The following TLN2 variants were observed in gnomAD, a reference collection of about 807,000 sequenced individuals.
TLN2 encodes talin-2.
In TLN2, 118 loss-of-function variants were observed where a neutral mutation model predicts 294.7. That is an observed-to-expected ratio of 0.40 (90% CI 0.34 to 0.47). TLN2 has a LOEUF of 0.47. Ranked by LOEUF, TLN2 falls within the 20% of genes least tolerant of loss-of-function variation. TLN2 has a pLI of 0.84. For missense variants in TLN2, 3,083 were observed against 3,282.2 expected, an observed-to-expected ratio of 0.94 and a Z score of 1.48; for synonymous variants, 1,431 against 1,304.5, an observed-to-expected ratio of 1.10 and a Z score of -2.09.
chr15:62,508,405 C>T (rs1237292352), intron 1 of TLN2, among the ~76,000 whole-genome samples: 1 of 151,976 alleles, frequency 6.6e-6, no homozygotes, highest in Non-Finnish European at 1.5e-5. Context: ...TTAGTAGAGA[C>T]GGGGTTTCAC....
chr15:62,487,899 T>C (rs2038494171), intron 1 of TLN2, among the ~76,000 whole-genome samples: 1 of 150,060 alleles, frequency 6.7e-6, no homozygotes, highest in African/African-American at 2.5e-5. Context: ...TGAGAATCCG[T>C]CTCAAAAAAT....
intron 13 of TLN2, among the ~76,000 whole-genome samples, chr15:62,693,955 CTTTTTTTTTTT>C (rs71131123): frequency 2.2e-4 from 21 of 94,216 alleles, no homozygotes; most frequent in East Asian, 6.1e-4. Context: ...GATTTTCTTT[CTTTTTTTTTTT>C]TTTTTTTTTT....
At chr15:62,605,467 A>G (rs2047354703) in intron 2 of TLN2, among the ~76,000 whole-genome samples, 1 of 152,150 alleles carries the variant, frequency 6.6e-6, no homozygotes, top group Admixed American at 6.5e-5. Context: ...TGGGCAAGCG[A>G]ATCAGGAATC....
chr15:62,726,324 C>G (rs2060439242), intron 27 of TLN2, among the ~76,000 whole-genome samples: 1 of 152,162 alleles, frequency 6.6e-6, no homozygotes, highest in South Asian at 2.1e-4. Flanking sequence ...AAACATGTTG[C>G]AAGGTTTAAA....
intron 1 of TLN2, among the ~76,000 whole-genome samples, chr15:62,547,264 C>T (rs1365487632): frequency 6.6e-6 from 1 of 152,188 alleles, no homozygotes; most frequent in Non-Finnish European, 1.5e-5. Context: ...ACTGGGATGT[C>T]AAAATCCTTG....
intron 32 of TLN2, 75 bp downstream of exon 32, chr15:62,740,844 CT>C: frequency 6.3e-7 from 1 of 1,582,936 alleles, no homozygotes; most frequent in Non-Finnish European, 8.6e-7. Flanking sequence ...GCCTGACATC[CT>C]CCCACTTTTG....
At chr15:62,638,281 T>C in intron 3 of TLN2, 1 of 328,902 alleles carries the variant, frequency 3.0e-6, no homozygotes, top group South Asian at 2.6e-5. Flanking sequence ...TCATCTTTAA[T>C]AAAGGGCAGC....
At chr15:62,390,954 G>T (rs1001384009) in intron 1 of TLN2, among the ~76,000 whole-genome samples, 1 of 152,218 alleles carries the variant, frequency 6.6e-6, no homozygotes, top group Non-Finnish European at 1.5e-5. Context: ...CACCGGACCC[G>T]GGCGCAGCGG....
chr15:62,457,474 G>T (rs1212217851), intron 1 of TLN2, among the ~76,000 whole-genome samples: 2 of 152,214 alleles, frequency 1.3e-5, no homozygotes, highest in African/African-American at 4.8e-5. Flanking sequence ...GGAGGTTTTT[G>T]AGCTGCAGAT....
intron 44 of TLN2, among the ~76,000 whole-genome samples, chr15:62,782,754 G>A (rs998751664): frequency 3.3e-5 from 5 of 152,220 alleles, no homozygotes; most frequent in Non-Finnish European, 7.3e-5. Context: ...TTGTACACAT[G>A]CCTTAGAAAG....
Position 62,717,709 on chromosome 15 carries a change from A to G in TLN2, c.2877+20A>G, listed in dbSNP as rs1384283834. 2.6e-6 allele frequency: 4 copies of G among 1,528,342 alleles called. No homozygotes were observed. Among genetic ancestry groups the G allele is most frequent in the Admixed American group, 4.4e-5 (2 of 45,038 alleles). 94.7% of individuals were successfully genotyped at this position (1,528,342 alleles called of 1,614,324 possible). On this transcript the variant is annotated intron_variant, in intron 24 of 58. Coordinates refer to ENST00000636159, the MANE Select transcript of TLN2 (RefSeq NM_015059.3). ...TGCAAGGTGAGGTTCCAGTGCACAG[A>G]GAGCCAGGTCAGCTGCAGATGACCC...
intron 50 of TLN2, among the ~76,000 whole-genome samples, chr15:62,803,495 G>T (rs943397226): frequency 6.6e-6 from 1 of 151,994 alleles, no homozygotes. Flanking sequence ...ATGCTTCATT[G>T]TTTTCTATTC....
chr15:62,501,349 C>G lies in TLN2; in HGVS notation c.-237-88338C>G, dbSNP rs142217893. 1.0e-3 allele frequency among the ~76,000 whole-genome samples: 154 copies of G among 152,284 alleles called. 1 individual carries two copies. The highest frequency in any genetic ancestry group is 3.5e-3 in the African/African-American group (146 of 41,550). ...TTGCCTGAATTTCTCAAGCCTCCAG[C>G]TGAGGCCAAGGGCAGGGCTGGGGTG... On this transcript the variant is annotated intron_variant, in intron 1 of 58. Transcript: ENST00000636159.
Position 62,776,919 on chromosome 15 carries a change from G to C in TLN2, c.5514+9G>C. The C allele has an allele frequency of 6.6e-7, 1 of 1,511,802 alleles. No homozygotes were observed. Among genetic ancestry groups the C allele is most frequent in the Non-Finnish European group, 8.9e-7 (1 of 1,123,978 alleles). The allele number at this position is 1,511,802 out of a possible 1,614,324, so 93.6% of individuals were successfully genotyped here. On this transcript the variant is annotated intron_variant, in intron 43 of 58. Coordinates refer to ENST00000636159, the MANE Select transcript of TLN2 (RefSeq NM_015059.3). ...CAGAAGCCATGAGCAAGGTGGGCAT[G>C]GGCTCTAGGGCTCTCTACTCCCTTA... is the stretch of plus-strand genomic sequence containing the variant.
rs575139294 is a variant in TLN2 at position 62,654,906 on chromosome 15, C to A, written c.518-1038C>A. The stretch of plus-strand genomic sequence containing the variant: ...TGTTTGCACCTTGCTGCCTGACCCT[C>A]CACTGAAAGGGTCTTAATTTATTAC... On this transcript the variant is annotated intron_variant, in intron 7 of 58. Transcript: ENST00000636159. 1.1e-4 allele frequency among the ~76,000 whole-genome samples: 16 copies of A among 152,172 alleles called. No homozygotes were observed. In the South Asian group the frequency reaches 3.3e-3, roughly 32 times the overall value.
intron 1 of TLN2, among the ~76,000 whole-genome samples, chr15:62,577,369 G>C (rs1267891888): frequency 6.6e-6 from 1 of 151,434 alleles, no homozygotes; most frequent in African/African-American, 2.4e-5. Flanking sequence ...ACTTGAACCT[G>C]GGAGGCGGAG....
chr15:62,698,934 G>T, intron 16 of TLN2, 67 bp downstream of exon 16: 2 of 1,432,044 alleles, frequency 1.4e-6, no homozygotes, highest in Non-Finnish European at 1.9e-6. Context: ...TATATACTCT[G>T]TCGGGATTCA....
At chr15:62,421,245 T>C (rs916995191) in intron 1 of TLN2, among the ~76,000 whole-genome samples, 4 of 152,140 alleles carry the variant, frequency 2.6e-5, no homozygotes, top group Admixed American at 2.0e-4. Context: ...ATGTTGGCCA[T>C]GGCTGGTCTT....
intron 1 of TLN2, among the ~76,000 whole-genome samples, chr15:62,400,833 T>A (rs1173972910): frequency 6.7e-6 from 1 of 149,872 alleles, no homozygotes; most frequent in African/African-American, 2.5e-5. Flanking sequence ...TTTTTTTTTT[T>A]GAAGTAGGGT....
Sources: gnomAD v4.1 joint callset for allele counts (sites outside exome capture counted in the v4.1 genomes callset) on GRCh38, gnomAD v4.1.1 for gene constraint, MANE v1.5 for transcripts, NCBI Gene and HGNC (gene_info 2026-07-23, HGNC 2026-07-21) for gene names.